TMEM108: variants seen among roughly 807,000 people sequenced by gnomAD.
TMEM108 encodes transmembrane protein 108.
In TMEM108, 12 loss-of-function variants were observed where a neutral mutation model predicts 35.1. That is an observed-to-expected ratio of 0.34 (90% CI 0.22 to 0.55). The LOEUF (loss-of-function observed/expected upper bound fraction) is 0.55, where lower values mean the gene tolerates loss of function less well. TMEM108 is among the 20% of genes least tolerant of loss of function. The pLI, the probability that TMEM108 is intolerant of heterozygous loss-of-function variation, is 0.89. For synonymous variants in TMEM108, 287 were observed against 308.6 expected, an observed-to-expected ratio of 0.93 and a Z score of 0.73; for missense variants, 680 against 753.3, an observed-to-expected ratio of 0.90 and a Z score of 1.14.
intron 3 of TMEM108, among the ~76,000 whole-genome samples, chr3:133,376,271 C>T (rs934218832): frequency 6.6e-6 from 1 of 152,164 alleles, no homozygotes; most frequent in South Asian, 2.1e-4. Context: ...CCTCTCTCTG[C>T]CTCTGGAGTG....
chr3:133,105,461 G>T (rs996793188), intron 2 of TMEM108, among the ~76,000 whole-genome samples: 5 of 152,054 alleles, frequency 3.3e-5, no homozygotes, highest in Admixed American at 6.6e-5. Flanking sequence ...TTCCTCTTCT[G>T]CTTTTAAGGA....
intron 3 of TMEM108, among the ~76,000 whole-genome samples, chr3:133,258,474 T>A (rs1266488354): frequency 6.6e-6 from 1 of 152,130 alleles, no homozygotes; most frequent in Non-Finnish European, 1.5e-5. Flanking sequence ...TTTGATAAAG[T>A]TGGATGGAGG....
chr3:133,187,374 C>T (rs979174338), intron 2 of TMEM108, among the ~76,000 whole-genome samples: 3 of 152,090 alleles, frequency 2.0e-5, no homozygotes, highest in Non-Finnish European at 2.9e-5. Context: ...TGGTGTTATA[C>T]GGAGCTCTTG....
rs753551016 is a variant in TMEM108, at chr3:133,380,334, G to A, written c.623G>A (p.Gly208Glu). The A allele has an allele frequency of 1.9e-6, 3 of 1,614,112 alleles. No homozygotes were observed. The highest frequency in any genetic ancestry group is 2.5e-6 in the Non-Finnish European group (3 of 1,180,004). The change falls in exon 4 of 6, where the codon GGG (glycine) becomes GAG (glutamate). Residue 208 changes from glycine to glutamate, a missense_variant. By Grantham distance (98) the Gly-to-Glu change is moderately conservative (BLOSUM62 -2). This residue lies in a region of TMEM108 where 526 missense variants were observed against 532.1 expected (regional missense o/e 0.99). Coordinates refer to ENST00000321871, the MANE Select transcript of TMEM108 (RefSeq NM_023943.4). This position sits in a 1 kb window ranked among gnomAD's most constrained non-coding sequence, Gnocchi z 5.3. ...CGAAATCCAAGCTCCACACCTCTGG[G>A]GCAGAAGCGGCCCCTGGGGAAAATC... ...RGRNPSSTPL[G>E]QKRPLGKIFQ...
chr3:133,293,753 C>T (rs1947105041), intron 3 of TMEM108, among the ~76,000 whole-genome samples: 1 of 152,034 alleles, frequency 6.6e-6, no homozygotes, highest in African/African-American at 2.4e-5. Context: ...ATGCCTACAT[C>T]TTGTGTGTGA....
At chr3:133,338,002 G>A (rs891838050) in intron 3 of TMEM108, among the ~76,000 whole-genome samples, 3 of 151,968 alleles carry the variant, frequency 2.0e-5, no homozygotes, top group South Asian at 2.1e-4. Flanking sequence ...AAAAATACAC[G>A]TCGGAGGAGG....
At chr3:133,363,164 G>A (rs1050241625) in intron 3 of TMEM108, among the ~76,000 whole-genome samples, 2 of 152,084 alleles carry the variant, frequency 1.3e-5, no homozygotes, top group Non-Finnish European at 1.5e-5. Flanking sequence ...TAACTGAATT[G>A]GTTAGTGATC....
intron 2 of TMEM108, among the ~76,000 whole-genome samples, chr3:133,212,634 A>T: frequency 6.6e-6 from 1 of 152,114 alleles, no homozygotes; most frequent in East Asian, 1.9e-4. Context: ...TGGGAGGCCA[A>T]GGCAGGTGGA....
intron 2 of TMEM108, among the ~76,000 whole-genome samples, chr3:133,222,545 C>T (rs1367198562): frequency 1.3e-5 from 2 of 151,900 alleles, no homozygotes; most frequent in East Asian, 3.9e-4. Context: ...TCCACTAATC[C>T]CATAAGCTCT....
intron 3 of TMEM108, among the ~76,000 whole-genome samples, chr3:133,267,838 G>A (rs1946720534): frequency 6.6e-6 from 1 of 152,156 alleles, no homozygotes; most frequent in South Asian, 2.1e-4. Flanking sequence ...CATGACAGCT[G>A]TCTTCTCCCA....
intron 2 of TMEM108, among the ~76,000 whole-genome samples, chr3:133,160,812 G>T: frequency 6.6e-6 from 1 of 152,134 alleles, no homozygotes; most frequent in East Asian, 1.9e-4. Flanking sequence ...CACCACCTTT[G>T]GTTCCAAGCC....
chr3:133,163,584 T>C (rs1189591331), intron 2 of TMEM108, among the ~76,000 whole-genome samples: 1 of 152,102 alleles, frequency 6.6e-6, no homozygotes, highest in African/African-American at 2.4e-5. Flanking sequence ...GGACTGTGCC[T>C]TGGAGACAGT....
intron 3 of TMEM108, among the ~76,000 whole-genome samples, chr3:133,235,049 T>C (rs28799288): frequency 0.2 from 30,491 of 149,064 alleles, 3,556 homozygotes; most frequent in Middle Eastern, 0.32. Context: ...TTACAAGGGA[T>C]GTGAAGGACC....
intron 2 of TMEM108, among the ~76,000 whole-genome samples, chr3:133,205,086 T>C (rs1398574369): frequency 1.3e-5 from 2 of 152,030 alleles, no homozygotes; most frequent in Non-Finnish European, 2.9e-5. Flanking sequence ...TGATCTTTGT[T>C]GGTTTAAAGT....
At position 133,145,167 on chromosome 3, in the gene TMEM108, T is replaced by C. The variant is rs141787992; in HGVS notation, c.-46-84099T>C. Among the ~76,000 whole-genome samples, 163 of 152,282 alleles carry C rather than the reference T, an allele frequency of 1.1e-3. 2 individuals carry two copies. The East Asian group carries it at 0.019, about 17-fold the overall frequency. On this transcript the variant is annotated intron_variant, in intron 2 of 5. Coordinates refer to ENST00000321871, the MANE Select transcript of TMEM108 (RefSeq NM_023943.4). ...AAGATGTAAAGAAGGGGTCCAGTTT[T>C]AGTTTTCTGCATATGACTAGCCAGT...
chr3:133,286,340 A>T (rs977387503), intron 3 of TMEM108, among the ~76,000 whole-genome samples: 3 of 149,726 alleles, frequency 2.0e-5, no homozygotes, highest in African/African-American at 7.4e-5. Context: ...TTATTTATTT[A>T]TTTTTTTTTT....
chr3:133,288,910 GT>G (rs1445899128), intron 3 of TMEM108, among the ~76,000 whole-genome samples: 2 of 151,842 alleles, frequency 1.3e-5, no homozygotes, highest in Non-Finnish European at 2.9e-5. Flanking sequence ...TAATTTTTGT[GT>G]TTTTAGTAGA....
chr3:133,086,901 A>T (rs1487873371), intron 2 of TMEM108, among the ~76,000 whole-genome samples: 1 of 152,212 alleles, frequency 6.6e-6, no homozygotes, highest in Admixed American at 6.5e-5. Flanking sequence ...TTACAGAAGG[A>T]TCAGCATGCT....
At chr3:133,195,528 G>T (rs1429538279) in intron 2 of TMEM108, among the ~76,000 whole-genome samples, 1 of 152,038 alleles carries the variant, frequency 6.6e-6, no homozygotes, top group Non-Finnish European at 1.5e-5. Flanking sequence ...CGGTATTTCT[G>T]TTGTGGCTCT....
Sources: gnomAD v4.1 joint callset for allele counts (sites outside exome capture counted in the v4.1 genomes callset) on GRCh38, gnomAD v4.1.1 for gene constraint, gnomAD v4.1.1 regional missense constraint, Gnocchi (gnomAD v3.1) non-coding constraint, MANE v1.5 for transcripts, NCBI Gene and HGNC (gene_info 2026-07-23, HGNC 2026-07-21) for gene names.